ASTN2: variants seen among roughly 807,000 people sequenced by gnomAD.
The protein encoded by ASTN2 is astrotactin 2.
A neutral mutation model predicts 139.8 loss-of-function variants in ASTN2; 54 were observed. The observed-to-expected ratio is 0.39, with a 90% confidence interval of 0.31 to 0.48. The LOEUF (loss-of-function observed/expected upper bound fraction) is 0.48, where lower values mean the gene tolerates loss of function less well. Ranked by LOEUF, ASTN2 falls within the 20% of genes least tolerant of loss-of-function variation. The pLI is 0.95. For missense variants in ASTN2, 1,565 were observed against 1,725.1 expected (o/e 0.91, Z 1.64); for synonymous variants, 756 against 719.5 (o/e 1.05, Z -0.81).
chr9:117,279,920 G>A (rs1040617426), intron 2 of ASTN2, among the ~76,000 whole-genome samples: 2 of 152,002 alleles, frequency 1.3e-5, no homozygotes, highest in African/African-American at 4.8e-5. Flanking sequence ...TCTCTTCCAT[G>A]TGTCTCTCAT....
rs1833131279 is a variant in ASTN2 at position 116,870,416 on chromosome 9, ATTCATTG to A, written c.1890-6690_1890-6684del. On this transcript the variant is annotated intron_variant, in intron 10 of 22. Transcript: ENST00000313400. ...AAACTCTAAAACCTAATGCAAACTTATTCATTGTTTATTCATTCAATAAATATCTGAG... is the reference window on the plus strand; with the variant it reads ...AAACTCTAAAACCTAATGCAAACTTATTTATTCATTCAATAAATATCTGAG... 3.3e-5 allele frequency among the ~76,000 whole-genome samples: 5 copies of A among 152,210 alleles called. No homozygotes were observed. In the South Asian group the frequency reaches 1.0e-3, roughly 32 times the overall value.
intron 1 of ASTN2, among the ~76,000 whole-genome samples, chr9:117,386,342 C>G (rs1210762219): frequency 6.6e-6 from 1 of 152,172 alleles, no homozygotes; most frequent in Non-Finnish European, 1.5e-5. Flanking sequence ...GAGCAGCTGA[C>G]AGCCTCCAGG....
intron 5 of ASTN2, among the ~76,000 whole-genome samples, chr9:117,067,305 T>A (rs1466905529): frequency 1.5e-5 from 2 of 136,508 alleles, no homozygotes; most frequent in East Asian, 4.2e-4. Flanking sequence ...TTGTCAAAGA[T>A]CAGACAGTTG....
At chr9:116,503,094 A>C (rs1187046323) in intron 19 of ASTN2, among the ~76,000 whole-genome samples, 2 of 150,654 alleles carry the variant, frequency 1.3e-5, no homozygotes, top group South Asian at 4.3e-4. Flanking sequence ...GGGAAGGAAG[A>C]TGGAAGAAAA....
chr9:116,468,955 T>G (rs1848731150), intron 20 of ASTN2, among the ~76,000 whole-genome samples: 1 of 152,206 alleles, frequency 6.6e-6, no homozygotes, highest in Non-Finnish European at 1.5e-5. Flanking sequence ...TATCTGCATC[T>G]TAGTAATTCT....
chr9:117,144,983 C>CT (rs773008918), intron 3 of ASTN2, among the ~76,000 whole-genome samples: 89 of 151,992 alleles, frequency 5.9e-4, no homozygotes, highest in Non-Finnish European at 9.4e-4. Context: ...ACGCCTGGCT[C>CT]TTTTTTTTTA....
chr9:116,490,631 G>A (rs1564314614), intron 19 of ASTN2, among the ~76,000 whole-genome samples: 1 of 152,122 alleles, frequency 6.6e-6, no homozygotes, highest in Non-Finnish European at 1.5e-5. Context: ...TACAATCATG[G>A]CGGAAGGCAC....
intron 5 of ASTN2, among the ~76,000 whole-genome samples, chr9:117,080,041 A>C (rs968413588): frequency 7.7e-6 from 1 of 129,042 alleles, no homozygotes. Flanking sequence ...AGGACACATA[A>C]CTATGTGTGT....
At chr9:116,673,797 G>A (rs1430571909) in intron 16 of ASTN2, among the ~76,000 whole-genome samples, 1 of 152,164 alleles carries the variant, frequency 6.6e-6, no homozygotes, top group Non-Finnish European at 1.5e-5. Flanking sequence ...CCAAAACTGT[G>A]AGAGAATAAA....
At chr9:117,350,793 T>TA (rs1284432795) in intron 1 of ASTN2, among the ~76,000 whole-genome samples, 1 of 152,138 alleles carries the variant, frequency 6.6e-6, no homozygotes, top group Non-Finnish European at 1.5e-5. Flanking sequence ...GCAAAGCATT[T>TA]AGAGCAGAGA....
At chr9:116,450,754 T>C (rs1848149423) in intron 20 of ASTN2, among the ~76,000 whole-genome samples, 1 of 152,158 alleles carries the variant, frequency 6.6e-6, no homozygotes, top group African/African-American at 2.4e-5. Flanking sequence ...GCATCCCTGC[T>C]CACTCTCACA....
intron 17 of ASTN2, among the ~76,000 whole-genome samples, chr9:116,634,647 A>G (rs1856985544): frequency 6.6e-6 from 1 of 151,646 alleles, no homozygotes; most frequent in Admixed American, 6.6e-5. Context: ...CAGCTGTTAG[A>G]CATGCTTATT....
chr9:116,530,847 C>A (rs1177330404), intron 19 of ASTN2, among the ~76,000 whole-genome samples: 1 of 152,124 alleles, frequency 6.6e-6, no homozygotes, highest in Non-Finnish European at 1.5e-5. Context: ...AAGTCAATAT[C>A]TGTCAGCTTC....
At chr9:116,631,155 C>T (rs1856726379) in intron 17 of ASTN2, among the ~76,000 whole-genome samples, 1 of 152,050 alleles carries the variant, frequency 6.6e-6, no homozygotes, top group Admixed American at 6.6e-5. Flanking sequence ...GAGAATTCCT[C>T]TAAAAATTAA....
intron 11 of ASTN2, among the ~76,000 whole-genome samples, chr9:116,827,207 G>A (rs559175031): frequency 6.6e-6 from 1 of 151,010 alleles, no homozygotes; most frequent in African/African-American, 2.4e-5. Flanking sequence ...TACTTGGGAG[G>A]CTGAGGCAAG....
intron 17 of ASTN2, among the ~76,000 whole-genome samples, chr9:116,641,715 ATCTGGTAG>A (rs1857339456): frequency 6.6e-6 from 1 of 152,144 alleles, no homozygotes; most frequent in South Asian, 2.1e-4. Context: ...TTCTTATTGA[ATCTGGTAG>A]TCTTCAGGTC....
intron 4 of ASTN2, among the ~76,000 whole-genome samples, chr9:117,132,881 C>A (rs376757073): frequency 3.2e-4 from 48 of 152,270 alleles, no homozygotes; most frequent in African/African-American, 1.1e-3. Context: ...CTACAGCATG[C>A]TTTAAAGAAG....
chr9:116,993,873 TA>T (rs1836934504), intron 7 of ASTN2, among the ~76,000 whole-genome samples: 1 of 142,330 alleles, frequency 7.0e-6, no homozygotes, highest in East Asian at 2.0e-4. Flanking sequence ...TATATATATA[TA>T]TATTTTAACT....
At chr9:116,733,352 G>A (rs747990725) in intron 14 of ASTN2, 47 bp downstream of exon 14, 5 of 1,600,886 alleles carry the variant, frequency 3.1e-6, no homozygotes, top group East Asian at 2.2e-5. Flanking sequence ...GTGGAGACTC[G>A]GTGTGTGGTC....
Sources: gnomAD v4.1 joint callset for allele counts (sites outside exome capture counted in the v4.1 genomes callset) on GRCh38, gnomAD v4.1.1 for gene constraint, MANE v1.5 for transcripts, NCBI Gene and HGNC (gene_info 2026-07-23, HGNC 2026-07-21) for gene names.